The following CYP39A1 variants were observed in gnomAD, a reference collection of about 807,000 sequenced individuals.
The protein encoded by CYP39A1 is cytochrome P450 family 39 subfamily A member 1.
A neutral mutation model predicts 58.1 loss-of-function variants in CYP39A1; 49 were observed. That is an observed-to-expected ratio of 0.84 (90% confidence interval 0.67 to 1.07). CYP39A1 has a LOEUF of 1.07. CYP39A1 is among the 50% of genes least tolerant of loss of function. CYP39A1 has a pLI of 0.00. For missense variants in CYP39A1, 531 were observed against 539.4 expected, an observed-to-expected ratio of 0.98 and a Z score of 0.16; for synonymous variants, 209 against 187.6, an observed-to-expected ratio of 1.11 and a Z score of -0.93.
At position 46,628,627 on chromosome 6, in the gene CYP39A1, C is replaced by A. The variant is rs561126946; in HGVS notation, c.840+2336G>T. ...AGCCTGAGCTCTGAGTCCTATGGGC[C>A]TTGAGGCAGAGTACAAAGTAGGAGA... On this transcript the variant is annotated intron_variant, in intron 6 of 11. Transcript: ENST00000275016. 3.9e-5 allele frequency among the ~76,000 whole-genome samples: 6 copies of A among 152,244 alleles called. 2 individuals carry two copies. In the South Asian group the frequency reaches 1.2e-3, roughly 32 times the overall value.
At chr6:46,631,748 T>G (rs1207904411) in intron 5 of CYP39A1, among the ~76,000 whole-genome samples, 1 of 152,220 alleles carries the variant, frequency 6.6e-6, no homozygotes, top group Non-Finnish European at 1.5e-5. Context: ...GACATTTGAC[T>G]TGAACAGTGA....
intron 7 of CYP39A1, among the ~76,000 whole-genome samples, chr6:46,616,808 G>C (rs1317585798): frequency 1.3e-5 from 2 of 152,254 alleles, no homozygotes; most frequent in East Asian, 3.9e-4. Context: ...AGATGACAAA[G>C]AGTCTCTGAG....
intron 10 of CYP39A1, among the ~76,000 whole-genome samples, chr6:46,573,727 G>A (rs1582315145): frequency 6.6e-6 from 1 of 152,128 alleles, no homozygotes; most frequent in Admixed American, 6.6e-5. Context: ...AACATCTATG[G>A]CACCTGGAGA....
chr6:46,574,456 A>G (rs1771748542), intron 10 of CYP39A1, among the ~76,000 whole-genome samples: 1 of 152,240 alleles, frequency 6.6e-6, no homozygotes, highest in African/African-American at 2.4e-5. Flanking sequence ...AATTAAAACT[A>G]TTAGAAAGCG....
At position 46,594,328 on chromosome 6, in the gene CYP39A1, A is replaced by C. The variant is rs142557229; in HGVS notation, c.1065+1659T>G. Among the ~76,000 whole-genome samples, 234 of 152,206 alleles carry C rather than the reference A, an allele frequency of 1.5e-3. 1 individual carries two copies. The highest frequency in any genetic ancestry group is 5.4e-3 in the African/African-American group (225 of 41,574). Reference sequence around the variant, plus strand: ...CAAAATTCTAATGACATTTTTACAGAAATAGAAAAAACATATGAAACTACA... The same window carrying C: ...CAAAATTCTAATGACATTTTTACAGCAATAGAAAAAACATATGAAACTACA... On this transcript the variant is annotated intron_variant, in intron 8 of 11. Transcript: ENST00000275016.
At chr6:46,601,664 CCTA>C (rs1440981219) in intron 7 of CYP39A1, among the ~76,000 whole-genome samples, 1 of 136,798 alleles carries the variant, frequency 7.3e-6, no homozygotes, top group Non-Finnish European at 1.5e-5. Context: ...TCTCAGGTTA[CCTA>C]TTATTATTAT....
At chr6:46,588,816 T>C (rs2150513090) in intron 8 of CYP39A1, among the ~76,000 whole-genome samples, 1 of 152,314 alleles carries the variant, frequency 6.6e-6, no homozygotes, top group East Asian at 1.9e-4. Flanking sequence ...GAAATGAGGA[T>C]AAACAATGTG....
At chr6:46,610,972 A>C (rs1194071570) in intron 7 of CYP39A1, among the ~76,000 whole-genome samples, 2 of 152,240 alleles carry the variant, frequency 1.3e-5, no homozygotes, top group South Asian at 2.1e-4. Context: ...AAAGCAGCTT[A>C]AAGTATCTGT....
intron 10 of CYP39A1, among the ~76,000 whole-genome samples, chr6:46,556,505 G>T (rs1047074427): frequency 6.6e-6 from 1 of 152,078 alleles, no homozygotes; most frequent in African/African-American, 2.4e-5. Flanking sequence ...GACGGAAAAA[G>T]AACCACAAAA....
At chr6:46,596,472 A>C (rs1773169268) in intron 7 of CYP39A1, among the ~76,000 whole-genome samples, 1 of 152,124 alleles carries the variant, frequency 6.6e-6, no homozygotes, top group Non-Finnish European at 1.5e-5. Context: ...CCACTTATGT[A>C]AAAAGCAATA....
intron 10 of CYP39A1, among the ~76,000 whole-genome samples, chr6:46,556,813 A>T (rs1038419918): frequency 6.6e-6 from 1 of 152,228 alleles, no homozygotes; most frequent in African/African-American, 2.4e-5. Flanking sequence ...CATGGCACTT[A>T]ACATTTACGT....
Position 46,652,783 on chromosome 6 carries a change from C to T in CYP39A1, c.-201G>A, listed in dbSNP as rs1420569502. 3 of 516,542 alleles carry T rather than the reference C, an allele frequency of 5.8e-6. No homozygotes were observed. The highest frequency in any genetic ancestry group is 3.3e-5 in the East Asian group (1 of 30,670). 32.0% of individuals were successfully genotyped at this position (516,542 alleles called of 1,614,324 possible). On this transcript the variant is annotated 5_prime_UTR_variant, in exon 1 of 12. The change creates a new upstream start codon in the 5' untranslated region. Coordinates refer to ENST00000275016, the MANE Select transcript of CYP39A1 (RefSeq NM_016593.5). ...CCATTGTCGCTCCCTCCCACCTCCACTTCTCTTTGAATCTCAGCCAGCGCG... is the reference window on the plus strand; with the variant it reads ...CCATTGTCGCTCCCTCCCACCTCCATTTCTCTTTGAATCTCAGCCAGCGCG...
intron 10 of CYP39A1, among the ~76,000 whole-genome samples, chr6:46,582,187 T>C (rs1009777015): frequency 6.6e-6 from 1 of 152,200 alleles, no homozygotes; most frequent in African/African-American, 2.4e-5. Context: ...GATGCATTTG[T>C]TTATGGAACA....
At chr6:46,645,729 A>C (rs1255176060) in intron 1 of CYP39A1, among the ~76,000 whole-genome samples, 1 of 152,164 alleles carries the variant, frequency 6.6e-6, no homozygotes, top group East Asian at 1.9e-4. Context: ...TAGCATTTGC[A>C]TCAAACCTGG....
intron 5 of CYP39A1, among the ~76,000 whole-genome samples, chr6:46,632,709 A>T (rs1381922392): frequency 6.6e-6 from 1 of 152,164 alleles, no homozygotes; most frequent in Non-Finnish European, 1.5e-5. Context: ...AACACAATAA[A>T]GTTAGGGAAT....
chr6:46,637,267 C>T (rs1423155704), intron 4 of CYP39A1, among the ~76,000 whole-genome samples: 4 of 152,138 alleles, frequency 2.6e-5, no homozygotes, highest in South Asian at 2.1e-4. Flanking sequence ...GCCTCCAGGG[C>T]GATGAGAAAT....
intron 1 of CYP39A1, among the ~76,000 whole-genome samples, chr6:46,646,297 T>C (rs1762320362): frequency 6.6e-6 from 1 of 152,084 alleles, no homozygotes; most frequent in Admixed American, 6.6e-5. Flanking sequence ...TTTCCCTCTA[T>C]CATGAATCCT....
intron 10 of CYP39A1, among the ~76,000 whole-genome samples, chr6:46,557,265 G>A (rs1001868381): frequency 6.6e-6 from 1 of 151,836 alleles, no homozygotes; most frequent in East Asian, 1.9e-4. Context: ...AAAATATTTT[G>A]AGAAGTAATA....
intron 10 of CYP39A1, among the ~76,000 whole-genome samples, chr6:46,562,190 C>T (rs1391131233): frequency 6.6e-6 from 1 of 151,922 alleles, no homozygotes; most frequent in African/African-American, 2.4e-5. Context: ...AACTGGCTAA[C>T]TTTTGTATTT....
Sources: gnomAD v4.1 joint callset for allele counts (sites outside exome capture counted in the v4.1 genomes callset) on GRCh38, gnomAD v4.1.1 for gene constraint, MANE v1.5 for transcripts, NCBI Gene and HGNC (gene_info 2026-07-23, HGNC 2026-07-21) for gene names.